PIK3C3: variants seen among roughly 807,000 people sequenced by gnomAD.
PIK3C3 encodes PI3-kinase type 3.
In PIK3C3, 95 loss-of-function variants were observed where a neutral mutation model predicts 126.1. The observed-to-expected ratio is 0.75, with a 90% CI of 0.64 to 0.89. PIK3C3 has a LOEUF of 0.89. PIK3C3 is among the 40% of genes least tolerant of loss of function. The probability of loss-of-function intolerance (pLI) is 0.00; values close to 1 mark genes in which losing one functional copy is unlikely to be tolerated. For missense variants in PIK3C3, 829 were observed against 1,063.2 expected, an observed-to-expected ratio of 0.78 and a Z score of 3.06; for synonymous variants, 374 against 360.0, an observed-to-expected ratio of 1.04 and a Z score of -0.44.
At chr18:41,964,972 A>G (rs567711516) in intron 3 of PIK3C3, among the ~76,000 whole-genome samples, 15 of 152,292 alleles carry the variant, frequency 9.8e-5, no homozygotes, top group African/African-American at 3.4e-4. Context: ...AATAACTTAG[A>G]TGTAGTCTGA....
intron 16 of PIK3C3, among the ~76,000 whole-genome samples, chr18:42,036,943 G>A (rs1290296461): frequency 6.6e-6 from 1 of 152,162 alleles, no homozygotes; most frequent in Non-Finnish European, 1.5e-5. Flanking sequence ...TCAAAACACG[G>A]TCAGAACTTT....
intron 21 of PIK3C3, among the ~76,000 whole-genome samples, chr18:42,055,716 G>A (rs1351953520): frequency 2.6e-5 from 4 of 152,076 alleles, no homozygotes; most frequent in Admixed American, 6.6e-5. Context: ...AGAAAGTCAA[G>A]TAGAAGGAGG....
chr18:41,990,601 G>T, intron 6 of PIK3C3, 47 bp downstream of exon 6: 2 of 974,728 alleles, frequency 2.1e-6, no homozygotes, highest in Non-Finnish European at 1.6e-6. Flanking sequence ...GAGGGGAGAG[G>T]AAACATTAAA....
rs572158415 is a variant in PIK3C3 at position 42,013,496 on chromosome 18, G to C, written c.1225G>C (p.Asp409His). Residue 409 changes from aspartate (D) to histidine (H), a missense_variant, in exon 11 of 25, where the codon GAT becomes CAT. Asp to His is a moderately conservative substitution (Grantham distance 81). Coordinates refer to ENST00000262039, the MANE Select transcript of PIK3C3 (RefSeq NM_002647.4). ...CCAGGCTCTCAAATATGAAAATTTTGATGATATAAAGAATGGATTGGAACC... is the reference window on the plus strand; with the variant it reads ...CCAGGCTCTCAAATATGAAAATTTTCATGATATAAAGAATGGATTGGAACC... Reference protein sequence around the residue: ...LVQALKYENFDDIKNGLEPTK... With the variant: ...LVQALKYENFHDIKNGLEPTK... 1.9e-6 allele frequency: 3 copies of C among 1,590,556 alleles called. No individual in the cohort carries two copies. Among genetic ancestry groups the C allele is most frequent in the Non-Finnish European group, 2.6e-6 (3 of 1,166,920 alleles).
At position 42,086,248 on chromosome 18, in the gene PIK3C3, T is replaced by G. The variant is rs1042386390; in HGVS notation, c.*5111T>G. 2 of 152,250 alleles carry G rather than the reference T, an allele frequency of 1.3e-5. No individual in the cohort carries two copies. The highest frequency in any genetic ancestry group is 4.8e-5 in the African/African-American group (2 of 41,446). The allele number at this position is 152,250 out of a possible 1,614,324, so 9.4% of individuals were successfully genotyped here. On this transcript the variant is annotated 3_prime_UTR_variant, in exon 25 of 25. Transcript: ENST00000262039. ...TTTATCTTATGTCCTTTACCTCAGT[T>G]TATGTCTGTCACCACAAGAAACCCA...
chr18:42,007,721 C>T (rs1387007175), intron 10 of PIK3C3, among the ~76,000 whole-genome samples: 1 of 152,134 alleles, frequency 6.6e-6, no homozygotes, highest in Non-Finnish European at 1.5e-5. Context: ...ACTTTTCTTA[C>T]TCTAATAGAT....
At chr18:42,067,613 CTGTT>C in intron 24 of PIK3C3, 100 bp downstream of exon 24, 1 of 1,332,288 alleles carries the variant, frequency 7.5e-7, no homozygotes. Flanking sequence ...GACATCTTTT[CTGTT>C]TTTCTATCAA....
At chr18:42,067,348 A>G (rs1486061553) in intron 23 of PIK3C3, 40 bp from the exon 24 acceptor site, 4 of 1,604,030 alleles carry the variant, frequency 2.5e-6, no homozygotes, top group Admixed American at 1.7e-5. Flanking sequence ...AATGTGCCCT[A>G]TTTTTCTTCG....
chr18:41,998,245 CTCT>C (rs1362433073), intron 9 of PIK3C3, among the ~76,000 whole-genome samples: 1 of 152,062 alleles, frequency 6.6e-6, no homozygotes, highest in Non-Finnish European at 1.5e-5. Context: ...GAGTGTAATT[CTCT>C]TCATCACTGA....
chr18:42,067,409 G>T lies in PIK3C3; in HGVS notation c.2545G>T (p.Asp849Tyr), dbSNP rs747035455. ...ATAGGTTCAGGATAAATTCCGCTTAGACCTGTCGGATGAAGAGGCTGTGCA... is the reference window on the plus strand; with the variant it reads ...ATAGGTTCAGGATAAATTCCGCTTATACCTGTCGGATGAAGAGGCTGTGCA... ...VKKVQDKFRL[D>Y]LSDEEAVHYM... The change falls in exon 24 of 25, where the codon GAC becomes TAC. Residue 849 changes from aspartate to tyrosine, a missense_variant. Physicochemically the swap from Asp to Tyr is radical, Grantham distance 160. Transcript: ENST00000262039. The T allele has an allele frequency of 1.9e-6, 3 of 1,613,918 alleles. No individual in the cohort carries two copies. In the Admixed American group the frequency reaches 5.0e-5, roughly 27 times the overall value.
At chr18:41,996,554 A>G (rs2144365303) in intron 8 of PIK3C3, 84 bp from the exon 9 acceptor site, 1 of 597,124 alleles carries the variant, frequency 1.7e-6, no homozygotes, top group Non-Finnish European at 2.9e-6. Context: ...AATTATTTAA[A>G]TAAATGAAAA....
chr18:41,959,535 C>T (rs1263331282), intron 2 of PIK3C3, among the ~76,000 whole-genome samples: 1 of 152,062 alleles, frequency 6.6e-6, no homozygotes, highest in Admixed American at 6.5e-5. Flanking sequence ...GGATAAAATA[C>T]CACGAGAATA....
intron 12 of PIK3C3, among the ~76,000 whole-genome samples, chr18:42,018,991 A>AT (rs775765386): frequency 1.3e-5 from 2 of 151,916 alleles, no homozygotes; most frequent in Non-Finnish European, 2.9e-5. Flanking sequence ...CTCTGCAGTG[A>AT]TTTTTCATAC....
At chr18:41,972,640 A>C (rs1213741977) in intron 4 of PIK3C3, among the ~76,000 whole-genome samples, 1 of 152,090 alleles carries the variant, frequency 6.6e-6, no homozygotes, top group Admixed American at 6.5e-5. Flanking sequence ...GACAGCTTGC[A>C]TTAGTATTAA....
At chr18:42,048,771 A>T (rs761945680) in intron 20 of PIK3C3, among the ~76,000 whole-genome samples, 1 of 152,210 alleles carries the variant, frequency 6.6e-6, no homozygotes, top group Non-Finnish European at 1.5e-5. Context: ...TTGTTTTTAC[A>T]CATGGGCTGA....
intron 24 of PIK3C3, among the ~76,000 whole-genome samples, chr18:42,068,295 A>AATT (rs1448991102): frequency 6.6e-6 from 1 of 152,070 alleles, no homozygotes; most frequent in Admixed American, 6.6e-5. Flanking sequence ...GCGAAGTCAA[A>AATT]TCTCTGGCAA....
At position 42,013,297 on chromosome 18, in the gene PIK3C3, A is replaced by T. The variant is rs138319714; in HGVS notation, c.1171-145A>T. ...GGGGCTGTGGGGCACAGAGAAGTTA[A>T]GTAATTTGGTGACGTGCCAAAAGTA... On this transcript the variant is annotated intron_variant, in intron 10 of 24. Coordinates refer to ENST00000262039, the MANE Select transcript of PIK3C3 (RefSeq NM_002647.4). 358 of 562,556 alleles carry T rather than the reference A, an allele frequency of 6.4e-4. 1 individual carries two copies. Among genetic ancestry groups the T allele is most frequent in the Admixed American group, 1.4e-3 (37 of 25,850 alleles). 34.8% of individuals were successfully genotyped at this position (562,556 alleles called of 1,614,324 possible). A position where few individuals can be genotyped will look rare whatever the true frequency, so the allele number is the denominator to read the frequency against.
rs369702093 is a variant in PIK3C3, at chr18:42,011,492, AG to A, written c.1171-1949del. 3.2e-3 allele frequency among the ~76,000 whole-genome samples: 494 copies of A among 152,302 alleles called. 1 individual carries two copies. The highest frequency in any genetic ancestry group is 0.011 in the African/African-American group (467 of 41,550). On this transcript the variant is annotated intron_variant, in intron 10 of 24. Transcript: ENST00000262039. ...TTTCCTCACCTTTCTCAGCTTTTATAGAAATGGAGAGAATTAGGGCCTTGCT... is the reference window on the plus strand; with the variant it reads ...TTTCCTCACCTTTCTCAGCTTTTATAAAATGGAGAGAATTAGGGCCTTGCT...
intron 23 of PIK3C3, among the ~76,000 whole-genome samples, chr18:42,066,891 T>C (rs1985564405): frequency 6.6e-6 from 1 of 152,128 alleles, no homozygotes; most frequent in Non-Finnish European, 1.5e-5. Context: ...AGATCACATT[T>C]AGTTTGTCAG....
Sources: gnomAD v4.1 joint callset for allele counts (sites outside exome capture counted in the v4.1 genomes callset) on GRCh38, gnomAD v4.1.1 for gene constraint, MANE v1.5 for transcripts, NCBI Gene and HGNC (gene_info 2026-07-23, HGNC 2026-07-21) for gene names.